The following PIEZO1 variants were observed in gnomAD, a reference collection of about 807,000 sequenced individuals.
PIEZO1 encodes piezo type mechanosensitive ion channel component 1 (Er blood group), also known as piezo-type mechanosensitive ion channel component 1.
In PIEZO1, 296 loss-of-function variants were observed where a neutral mutation model predicts 297.2. That is an observed-to-expected ratio of 1.00 (90% CI 0.91 to 1.10). The LOEUF is 1.10. PIEZO1 is among the 50% of genes least tolerant of loss of function. The probability of loss-of-function intolerance (pLI) is 0.00; values close to 1 mark genes in which losing one functional copy is unlikely to be tolerated. For synonymous variants in PIEZO1, 2,427 were observed against 1,507.5 expected (o/e 1.61, Z -14.13); for missense variants, 5,018 against 3,455.5 (o/e 1.45, Z -11.34).
Position 88,764,848 on chromosome 16 carries a change from G to A in PIEZO1, c.65-15369C>T, listed in dbSNP as rs115291578. Among the ~76,000 whole-genome samples the A allele has an allele frequency of 4.6e-3, 706 of 151,882 alleles. 7 individuals are homozygous for A. The highest frequency in any genetic ancestry group is 0.016 in the African/African-American group (667 of 41,422). ...CGTGACCTCCCAAAACGAGGACTCC[G>A]CCCTCGGCACCAGGGGCAGACACTG... On this transcript the variant is annotated intron_variant, in intron 1 of 50. Coordinates refer to ENST00000301015, the MANE Select transcript of PIEZO1 (RefSeq NM_001142864.4).
In PIEZO1 at chr16:88,778,022, G is replaced by A. The variant is rs545954344; in HGVS notation, c.64+6879C>T. On this transcript the variant is annotated intron_variant, in intron 1 of 50. Transcript: ENST00000301015. ...CACAAGCCTCCGGGAGCTCCTGCGGGCCTGGGAATCTGTTTAAGTCACAGT... is the reference window on the plus strand; with the variant it reads ...CACAAGCCTCCGGGAGCTCCTGCGGACCTGGGAATCTGTTTAAGTCACAGT... Among the ~76,000 whole-genome samples, 461 of 152,376 alleles carry A rather than the reference G, an allele frequency of 3.0e-3. 2 individuals are homozygous for A. Among genetic ancestry groups the A allele is most frequent in the African/African-American group, 0.011 (438 of 41,596 alleles).
Position 88,716,259 on chromosome 16 carries a change from G to A in PIEZO1, c.7068C>T (p.Phe2356=). The part of the protein sequence containing the change: ...SDQSVVIPNL[F]PKYIRAPNGP... Reference sequence around the variant, plus strand: ...CGTTGGGGGCACGGATGTACTTGGGGAAGAGATTAGGGATGACCCTGCAGG... The same window carrying A: ...CGTTGGGGGCACGGATGTACTTGGGAAAGAGATTAGGGATGACCCTGCAGG... The change falls in exon 49 of 51, where the codon TTC becomes TTT. Residue 2356 remains phenylalanine (F), a synonymous_variant. Coordinates refer to ENST00000301015, the MANE Select transcript of PIEZO1 (RefSeq NM_001142864.4). The A allele has an allele frequency of 6.7e-7, 1 of 1,493,310 alleles. No individual in the cohort carries two copies. The highest frequency in any genetic ancestry group is 9.0e-7 in the Non-Finnish European group (1 of 1,116,250). The allele number at this position is 1,493,310 out of a possible 1,614,324, so 92.5% of individuals were successfully genotyped here.
chr16:88,776,773 G>A (rs745844873), intron 1 of PIEZO1, among the ~76,000 whole-genome samples: 3 of 152,194 alleles, frequency 2.0e-5, no homozygotes, highest in South Asian at 4.1e-4. Flanking sequence ...GGGCCAGTCC[G>A]GCGCTGATAG....
rs1461640318 is a variant in PIEZO1, at chr16:88,719,683, A to G, written c.6362T>C (p.Val2121Ala). 1 of 1,552,726 alleles carries G rather than the reference A, an allele frequency of 6.4e-7. No homozygotes were observed. The highest frequency in any genetic ancestry group is 1.2e-5 in the South Asian group (1 of 84,142). The change falls in exon 44 of 51, where the codon GTG (valine) becomes GCG (alanine). Residue 2121 changes from valine to alanine, a missense_variant. Coordinates refer to ENST00000301015, the MANE Select transcript of PIEZO1 (RefSeq NM_001142864.4). ...LVPFLVELRA[V>A]MDWVWTDTTL... ...GGTGTCCGTCCACACCCAGTCCATC[A>G]CTGCCCGCAGCTCCACCAGGAACGG...
intron 1 of PIEZO1, among the ~76,000 whole-genome samples, chr16:88,752,686 G>A (rs1037495386): frequency 6.6e-6 from 1 of 152,094 alleles, no homozygotes; most frequent in African/African-American, 2.4e-5. Context: ...CGAGCCAGAG[G>A]GGAACCTTGA....
intron 1 of PIEZO1, among the ~76,000 whole-genome samples, chr16:88,752,532 C>G (rs925499734): frequency 6.6e-6 from 1 of 152,162 alleles, no homozygotes; most frequent in Non-Finnish European, 1.5e-5. Context: ...AAATAACCAG[C>G]CCTGAAATCT....
chr16:88,733,348 A>G lies in PIEZO1; in HGVS notation c.2594T>C (p.Ile865Thr). 2 of 1,550,230 alleles carry G rather than the reference A, an allele frequency of 1.3e-6. No individual in the cohort carries two copies. Among genetic ancestry groups the G allele is most frequent in the South Asian group, 2.4e-5 (2 of 84,068 alleles). ...SCLSTVWTCV[I>T]IVCKMLYQLK... ...CTGGTACAGCATCTTACACACGATGATGACGCAGGTCCACACGGTGGACAG... is the reference window on the plus strand; with the variant it reads ...CTGGTACAGCATCTTACACACGATGGTGACGCAGGTCCACACGGTGGACAG... The change falls in exon 19 of 51, where the codon ATC becomes ACC. Residue 865 changes from isoleucine (I) to threonine (T), a missense_variant. By Grantham distance (89) the Ile-to-Thr change is moderately conservative. Coordinates refer to ENST00000301015, the MANE Select transcript of PIEZO1 (RefSeq NM_001142864.4).
At position 88,716,540 on chromosome 16, in the gene PIEZO1, C is replaced by G; in HGVS notation, c.6926+19G>C. On this transcript the variant is annotated intron_variant, in intron 47 of 50. Coordinates refer to ENST00000301015, the MANE Select transcript of PIEZO1 (RefSeq NM_001142864.4). Reference sequence around the variant, plus strand: ...AGTGGGTCCACCCACCCAGGCACTGCCCCAAGTCCAGGACGAACCTCTGGA... The same window carrying G: ...AGTGGGTCCACCCACCCAGGCACTGGCCCAAGTCCAGGACGAACCTCTGGA... 7 of 1,537,906 alleles carry G rather than the reference C, an allele frequency of 4.6e-6. No homozygotes were observed. Among genetic ancestry groups the G allele is most frequent in the Non-Finnish European group, 6.1e-6 (7 of 1,138,860 alleles).
In PIEZO1 at chr16:88,738,672, G is replaced by T. The variant is rs998013737; in HGVS notation, c.530C>A (p.Ala177Asp). 2 of 1,535,404 alleles carry T rather than the reference G, an allele frequency of 1.3e-6. No homozygotes were observed. Among genetic ancestry groups the T allele is most frequent in the South Asian group, 2.4e-5 (2 of 84,054 alleles). Residue 177 changes from alanine to aspartate, a missense_variant, in exon 6 of 51, where the codon GCC (alanine) becomes GAC (aspartate). Ala to Asp is a moderately radical substitution (Grantham distance 126). Transcript: ENST00000301015. ...GGCCAGCCGTGACCTCCGTGTAGGG[G>T]CCAGCGTTGCTGCTTCCTGCAGCCC... The part of the protein sequence containing the change: ...TAGLQEAATL[A>D]PTRRSRLAAR...
intron 16 of PIEZO1, 93 bp downstream of exon 16, chr16:88,734,263 A>G: frequency 7.9e-7 from 1 of 1,270,052 alleles, no homozygotes; most frequent in Non-Finnish European, 1.1e-6. Context: ...CTGAAGGTGG[A>G]AGATGTGGCT....
At chr16:88,765,630 G>C (rs1359395976) in intron 1 of PIEZO1, among the ~76,000 whole-genome samples, 1 of 151,916 alleles carries the variant, frequency 6.6e-6, no homozygotes, top group Non-Finnish European at 1.5e-5. Flanking sequence ...CTGGAGCCTG[G>C]CTCCCTGGTC....
chr16:88,725,220 G>A, intron 29 of PIEZO1, 140 bp from the exon 30 acceptor site: 1 of 713,560 alleles, frequency 1.4e-6, no homozygotes, highest in Non-Finnish European at 2.2e-6. Context: ...TGGGGCCATG[G>A]GGCTCAGAGC....
intron 1 of PIEZO1, among the ~76,000 whole-genome samples, chr16:88,770,073 G>A (rs1455736078): frequency 6.6e-6 from 1 of 152,176 alleles, no homozygotes; most frequent in African/African-American, 2.4e-5. Flanking sequence ...CCAGGGAAGA[G>A]GACTGATGCC....
intron 1 of PIEZO1, among the ~76,000 whole-genome samples, chr16:88,758,547 T>C (rs1390366509): frequency 6.6e-6 from 1 of 152,216 alleles, no homozygotes; most frequent in South Asian, 2.1e-4. Flanking sequence ...GCAAACCCAC[T>C]GCCCCCACTC....
intron 21 of PIEZO1, 118 bp from the exon 22 acceptor site, chr16:88,732,028 AG>A (rs1439988815): frequency 6.3e-5 from 3 of 47,352 alleles, no homozygotes; most frequent in African/African-American, 3.9e-4. Context: ...GCGGGCATCA[AG>A]CAAGGACAGG....
chr16:88,741,403 A>T (rs1905646621), intron 5 of PIEZO1, 75 bp downstream of exon 5: 1 of 1,306,974 alleles, frequency 7.7e-7, no homozygotes, highest in Non-Finnish European at 1.0e-6. Context: ...AAAAGATTAA[A>T]ATAACCCTCA....
chr16:88,738,649 C>T lies in PIEZO1; in HGVS notation c.553G>A (p.Ala185Thr), dbSNP rs1905425538. 6.5e-7 allele frequency: 1 copy of T among 1,535,584 alleles called. No individual in the cohort carries two copies. The highest frequency in any genetic ancestry group is 1.4e-5 in the African/African-American group (1 of 73,054). The change falls in exon 6 of 51, where the codon GCC becomes ACC. Residue 185 changes from alanine to threonine, a missense_variant. By Grantham distance (58) the Ala-to-Thr change is moderately conservative (BLOSUM62 0). Coordinates refer to ENST00000301015, the MANE Select transcript of PIEZO1 (RefSeq NM_001142864.4). Reference sequence around the variant, plus strand: ...TGGGCCGTGACTCGGAAACGAGCGGCCAGCCGTGACCTCCGTGTAGGGGCC... The same window carrying T: ...TGGGCCGTGACTCGGAAACGAGCGGTCAGCCGTGACCTCCGTGTAGGGGCC... ...TLAPTRRSRL[A>T]ARFRVTAHWL... is the part of the protein sequence containing the mutation.
At chr16:88,737,389 G>T in intron 10 of PIEZO1, 170 bp downstream of exon 10, 1 of 577,970 alleles carries the variant, frequency 1.7e-6, no homozygotes, top group East Asian at 3.0e-5. Context: ...GCTGCCCTGG[G>T]GGTCTCGGGG....
Position 88,785,148 on chromosome 16 carries a change from G to T in PIEZO1, c.-184C>A, listed in dbSNP as rs1019718673. Reference sequence around the variant, plus strand: ...ACGTCCCGGGCCCGCGCTCGCTCAGGCGACCGCCCTGCCCCTCGGCGGAGC... The same window carrying T: ...ACGTCCCGGGCCCGCGCTCGCTCAGTCGACCGCCCTGCCCCTCGGCGGAGC... On this transcript the variant is annotated 5_prime_UTR_variant, in exon 1 of 51. Transcript: ENST00000301015. 3.2e-6 allele frequency: 1 copy of T among 313,172 alleles called. No homozygotes were observed. The highest frequency in any genetic ancestry group is 5.3e-5 in the Admixed American group (1 of 18,950). The allele number at this position is 313,172 out of a possible 1,614,324, so 19.4% of individuals were successfully genotyped here.
Sources: gnomAD v4.1 joint callset for allele counts (sites outside exome capture counted in the v4.1 genomes callset) on GRCh38, gnomAD v4.1.1 for gene constraint, MANE v1.5 for transcripts, NCBI Gene and HGNC (gene_info 2026-07-23, HGNC 2026-07-21) for gene names.